SH3RF3: variants seen among roughly 807,000 people sequenced by gnomAD.
The protein encoded by SH3RF3 is SH3 domain containing ring finger 3.
In SH3RF3, 29 loss-of-function variants were observed where a neutral mutation model predicts 66.3. The observed-to-expected ratio is 0.44, with a 90% CI of 0.33 to 0.60. The LOEUF is 0.60. SH3RF3 is among the 20% of genes least tolerant of loss of function. SH3RF3 has a pLI of 0.04. For synonymous variants in SH3RF3, 583 were observed against 532.0 expected, an observed-to-expected ratio of 1.10 and a Z score of -1.32; for missense variants, 1,194 against 1,190.9, an observed-to-expected ratio of 1.00 and a Z score of -0.04.
chr2:109,430,446 C>T (rs968385435), intron 5 of SH3RF3, among the ~76,000 whole-genome samples: 2 of 151,830 alleles, frequency 1.3e-5, no homozygotes, highest in African/African-American at 4.8e-5. Flanking sequence ...TGGAAGCCAC[C>T]CTCCTCTCCT....
intron 7 of SH3RF3, among the ~76,000 whole-genome samples, chr2:109,438,058 C>T (rs1677458479): frequency 1.3e-5 from 2 of 152,186 alleles, no homozygotes; most frequent in Non-Finnish European, 2.9e-5. Flanking sequence ...TTCATGGAAG[C>T]AATAAAATAT....
chr2:109,322,294 C>T (rs1207939394), intron 1 of SH3RF3, among the ~76,000 whole-genome samples: 3 of 152,164 alleles, frequency 2.0e-5, no homozygotes, highest in South Asian at 2.1e-4. Context: ...CCAGATCCTG[C>T]TCTGTAAACC....
At chr2:109,342,806 C>G (rs552240530) in intron 1 of SH3RF3, among the ~76,000 whole-genome samples, 87 of 152,302 alleles carry the variant, frequency 5.7e-4, no homozygotes, top group African/African-American at 1.9e-3. Context: ...GACATTAAGT[C>G]CAGAGGAAGA....
intron 5 of SH3RF3, among the ~76,000 whole-genome samples, chr2:109,420,305 G>A (rs888579724): frequency 8.5e-5 from 13 of 152,176 alleles, no homozygotes; most frequent in Non-Finnish European, 1.8e-4. Flanking sequence ...GACTGTGTTA[G>A]GGTGAAGTCT....
chr2:109,427,943 A>T (rs1573243000), intron 5 of SH3RF3, among the ~76,000 whole-genome samples: 1 of 152,160 alleles, frequency 6.6e-6, no homozygotes, highest in African/African-American at 2.4e-5. Flanking sequence ...GAGCATCTGC[A>T]CTCATCCTCG....
At chr2:109,364,026 T>TA (rs1683105801) in intron 2 of SH3RF3, among the ~76,000 whole-genome samples, 5 of 152,298 alleles carry the variant, frequency 3.3e-5, no homozygotes, top group African/African-American at 1.2e-4. Context: ...AAATTCTCAG[T>TA]TATTATTGTT....
At chr2:109,435,139 G>A (rs922688990) in intron 6 of SH3RF3, among the ~76,000 whole-genome samples, 1 of 152,212 alleles carries the variant, frequency 6.6e-6, no homozygotes, top group Non-Finnish European at 1.5e-5. Context: ...GGAGGTCATT[G>A]AGTGTCCTCT....
rs1396784057 is a variant in SH3RF3, at chr2:109,493,197, TATATC to T, written c.2480+2266_2480+2270del. Among the ~76,000 whole-genome samples, 532 of 148,182 alleles carry T rather than the reference TATATC, an allele frequency of 3.6e-3. 1 individual carries two copies. The highest frequency in any genetic ancestry group is 8.8e-3 in the African/African-American group (352 of 39,854). ...GCCATGCAAACACACACACCACACA[TATATC>T]ATATAAACACTCACACATTACACAT... On this transcript the variant is annotated intron_variant, in intron 9 of 9. Transcript: ENST00000309415.
At position 109,264,242 on chromosome 2, in the gene SH3RF3, G is replaced by C. The variant is rs116663291; in HGVS notation, c.574-83432G>C. Among the ~76,000 whole-genome samples the C allele has an allele frequency of 3.3e-3, 474 of 145,522 alleles. 6 individuals carry two copies. Among genetic ancestry groups the C allele is most frequent in the African/African-American group, 0.012 (461 of 38,500 alleles). On this transcript the variant is annotated intron_variant, in intron 1 of 9. Coordinates refer to ENST00000309415, the MANE Select transcript of SH3RF3 (RefSeq NM_001099289.3). ...CACTCCGAGTCTGTGGGTGCTCCCT[G>C]TCCACCTCCCCAGGATCCACCTCGA...
chr2:109,382,112 T>C (rs1203143230), intron 3 of SH3RF3, among the ~76,000 whole-genome samples: 1 of 152,076 alleles, frequency 6.6e-6, no homozygotes, highest in African/African-American at 2.4e-5. Context: ...CCCATCAGAG[T>C]TGCAGTGGTC....
intron 1 of SH3RF3, among the ~76,000 whole-genome samples, chr2:109,274,374 G>A (rs971484863): frequency 6.6e-6 from 1 of 152,168 alleles, no homozygotes; most frequent in Non-Finnish European, 1.5e-5. Context: ...GAAAAGGTGG[G>A]ACCAGCCCAA....
chr2:109,170,234 CTTCTT>C (rs1188853288), intron 1 of SH3RF3, among the ~76,000 whole-genome samples: 8,055 of 65,302 alleles, frequency 0.12, 688 homozygotes, highest in African/African-American at 0.16. Context: ...CTTCTCTTCT[CTTCTT>C]TTCTTTTCTC....
chr2:109,234,488 ATTC>A (rs1467422298), intron 1 of SH3RF3, among the ~76,000 whole-genome samples: 1 of 152,268 alleles, frequency 6.6e-6, no homozygotes, highest in African/African-American at 2.4e-5. Context: ...GAGAACACAC[ATTC>A]TTCTCAGCGA....
At chr2:109,212,169 G>A (rs1027672296) in intron 1 of SH3RF3, among the ~76,000 whole-genome samples, 5 of 152,144 alleles carry the variant, frequency 3.3e-5, no homozygotes, top group Non-Finnish European at 7.4e-5. Flanking sequence ...TTGGCTTCTG[G>A]ATGACTTGTC....
At chr2:109,425,284 A>T (rs1253573850) in intron 5 of SH3RF3, among the ~76,000 whole-genome samples, 1 of 152,258 alleles carries the variant, frequency 6.6e-6, no homozygotes, top group Non-Finnish European at 1.5e-5. Flanking sequence ...TAAAAGTACA[A>T]GGTAAAGCAG....
intron 1 of SH3RF3, among the ~76,000 whole-genome samples, chr2:109,297,705 C>T (rs1233703448): frequency 6.6e-6 from 1 of 150,786 alleles, no homozygotes; most frequent in East Asian, 1.9e-4. Context: ...CCATTCTGCC[C>T]ATGCCCCCCA....
intron 1 of SH3RF3, among the ~76,000 whole-genome samples, chr2:109,132,756 CTTGT>C (rs1200338017): frequency 1.3e-5 from 2 of 152,192 alleles, no homozygotes; most frequent in African/African-American, 4.8e-5. Flanking sequence ...CTCAGGCTAA[CTTGT>C]TTGTTTATTG....
intron 5 of SH3RF3, among the ~76,000 whole-genome samples, chr2:109,426,175 CT>C (rs1380079999): frequency 6.6e-6 from 1 of 152,210 alleles, no homozygotes; most frequent in Non-Finnish European, 1.5e-5. Context: ...TCCCAAAGCG[CT>C]GGGATTACAA....
chr2:109,400,590 CTT>C (rs1281203113), intron 4 of SH3RF3, among the ~76,000 whole-genome samples: 5 of 151,746 alleles, frequency 3.3e-5, no homozygotes, highest in South Asian at 2.1e-4. Context: ...CACACACACA[CTT>C]GTGAACTTAT....
Sources: gnomAD v4.1 joint callset for allele counts (sites outside exome capture counted in the v4.1 genomes callset) on GRCh38, gnomAD v4.1.1 for gene constraint, MANE v1.5 for transcripts, NCBI Gene and HGNC (gene_info 2026-07-23, HGNC 2026-07-21) for gene names.